The following TAPBPL variants were observed in gnomAD, a reference collection of about 807,000 sequenced individuals.
TAPBPL encodes the protein tapasin-related protein.
A neutral mutation model predicts 44.8 loss-of-function variants in TAPBPL; 32 were observed. The observed-to-expected ratio is 0.71, with a 90% CI of 0.54 to 0.96. The LOEUF is 0.96. Among genes scored for constraint, TAPBPL ranks in the 40% least tolerant of loss-of-function variants. The pLI, the probability that TAPBPL is intolerant of heterozygous loss-of-function variation, is 0.00. For missense variants in TAPBPL, 520 were observed against 586.6 expected (o/e 0.89, Z 1.17); for synonymous variants, 230 against 240.7 (o/e 0.96, Z 0.41).
Position 6,462,186 on chromosome 12 carries a change from C to T in TAPBPL, c.*37C>T. 1 of 1,534,228 alleles carries T rather than the reference C, an allele frequency of 6.5e-7. No homozygotes were observed. The highest frequency in any genetic ancestry group is 8.9e-7 in the Non-Finnish European group (1 of 1,126,202). ...ATGAGACTACTAGAAAGAAACGACA[C>T]CCTTCCCCAAGCCCCCACAGCTACT... On this transcript the variant is annotated 3_prime_UTR_variant, in exon 7 of 7. Coordinates refer to ENST00000266556, the MANE Select transcript of TAPBPL (RefSeq NM_018009.5).
At chr12:6,464,256 T>C (rs1373468217), downstream of TAPBPL, 1 of 1,526,696 alleles carries the variant, frequency 6.6e-7, no homozygotes, top group Non-Finnish European at 8.8e-7. Flanking sequence ...CAGCTGTTGC[T>C]CTTCGGGTAA....
chr12:6,470,768 C>A, downstream of TAPBPL: 1 of 586,842 alleles, frequency 1.7e-6, no homozygotes, highest in Non-Finnish European at 3.1e-6. Context: ...ATGCCCAGGA[C>A]GGTCGCCCAG....
At chr12:6,466,531 A>G, downstream of TAPBPL, 1 of 567,498 alleles carries the variant, frequency 1.8e-6, no homozygotes, top group Non-Finnish European at 3.0e-6. Context: ...AAAACAGACA[A>G]AAAGAAAGGA....
chr12:6,461,216 C>A, intron 6 of TAPBPL: 1 of 1,268,550 alleles, frequency 7.9e-7, no homozygotes, highest in Non-Finnish European at 1.0e-6. Context: ...AGTCACAGAG[C>A]TAAAAATACA....
At chr12:6,462,920 G>C (rs551122030), downstream of TAPBPL, 12 of 1,565,818 alleles carry the variant, frequency 7.7e-6, no homozygotes, top group East Asian at 9.5e-5. Context: ...AAATGCTGCT[G>C]CATGGAAAGT....
intron 3 of TAPBPL, among the ~76,000 whole-genome samples, chr12:6,454,821 TG>T (rs1206520329): frequency 6.6e-6 from 1 of 152,124 alleles, no homozygotes; most frequent in African/African-American, 2.4e-5. Context: ...ATTGAGAACA[TG>T]ATGACAGGGT....
chr12:6,460,672 C>T (rs1949831468), intron 5 of TAPBPL, among the ~76,000 whole-genome samples, 183 bp from the exon 6 acceptor site: 1 of 152,214 alleles, frequency 6.6e-6, no homozygotes, highest in South Asian at 2.1e-4. Context: ...TGGAGTAACT[C>T]ACAAGTATCC....
At position 6,462,166 on chromosome 12, in the gene TAPBPL, A is replaced by G; in HGVS notation, c.*17A>G. On this transcript the variant is annotated 3_prime_UTR_variant, in exon 7 of 7. Transcript: ENST00000266556. ...CCCAGCTGACCTAAAGCGACATGAG[A>G]CTACTAGAAAGAAACGACACCCTTC... The G allele has an allele frequency of 6.3e-7, 1 of 1,589,096 alleles. No homozygotes were observed. The highest frequency in any genetic ancestry group is 8.6e-7 in the Non-Finnish European group (1 of 1,164,172).
At chr12:6,456,799 C>T (rs1404221556) in intron 3 of TAPBPL, among the ~76,000 whole-genome samples, 1 of 151,966 alleles carries the variant, frequency 6.6e-6, no homozygotes, top group Admixed American at 6.6e-5. Context: ...ATTACAGGCA[C>T]CTGCCACCAT....
intron 5 of TAPBPL, 27 bp from the exon 6 acceptor site, chr12:6,460,827 TC>T (rs1203536541): frequency 5.6e-6 from 9 of 1,612,212 alleles, no homozygotes; most frequent in Non-Finnish European, 7.6e-6. Flanking sequence ...CGCACGATGA[TC>T]CCCGCCCACG....
In TAPBPL at chr12:6,458,911, G is replaced by A; in HGVS notation, c.1171G>A (p.Glu391Lys). ...CCAGGTCACACACATCTCTCTGGAG[G>A]AGCCCCTTGGGGCCAGCACCCAGGT... ...TCQVTHISLE[E>K]PLGASTQVVP... is the part of the protein sequence containing the mutation. Residue 391 changes from glutamate to lysine, a missense_variant, in exon 5 of 7, where the codon GAG becomes AAG. Glu to Lys is a moderately conservative substitution (Grantham distance 56). Coordinates refer to ENST00000266556, the MANE Select transcript of TAPBPL (RefSeq NM_018009.5). The A allele has an allele frequency of 1.9e-6, 3 of 1,614,096 alleles. No individual in the cohort carries two copies. The highest frequency in any genetic ancestry group is 2.5e-6 in the Non-Finnish European group (3 of 1,180,002).
chr12:6,470,688 C>T (rs987559971), downstream of TAPBPL: 9 of 884,478 alleles, frequency 1.0e-5, no homozygotes, highest in African/African-American at 1.7e-5. Context: ...GCAGCTGCCG[C>T]GCCGGCCTCC....
In TAPBPL at chr12:6,452,101, G is replaced by C; in HGVS notation, c.-148G>C. 1.1e-6 allele frequency: 1 copy of C among 931,180 alleles called. No individual in the cohort carries two copies. The highest frequency in any genetic ancestry group is 1.7e-6 in the Non-Finnish European group (1 of 604,570). The allele number at this position is 931,180 out of a possible 1,614,324, so 57.7% of individuals were successfully genotyped here. On this transcript the variant is annotated 5_prime_UTR_variant, in exon 1 of 7. Transcript: ENST00000266556. ...TGCTCTAAGTGAAAGTGAAAGAAAA[G>C]TCGGCAGCAGAGGGAACAGGGAAGA... is the stretch of plus-strand genomic sequence containing the variant.
In TAPBPL at chr12:6,458,801, G is replaced by A. The variant is rs1364904958; in HGVS notation, c.1061G>A (p.Ser354Asn). Residue 354 changes from serine to asparagine, a missense_variant, in exon 5 of 7, where the codon AGC (serine) becomes AAC (asparagine). Ser to Asn is a conservative substitution (Grantham distance 46). Coordinates refer to ENST00000266556, the MANE Select transcript of TAPBPL (RefSeq NM_018009.5). ...PAQVSGASFSSLRQSVAGTYS... is the reference protein window; with the variant it reads ...PAQVSGASFSNLRQSVAGTYS... ...CAAGTCTCTGGTGCCTCCTTCTCCA[G>A]CCTCAGGCAAAGCGTGGCAGGCACC... The A allele has an allele frequency of 4.3e-6, 7 of 1,614,018 alleles. No homozygotes were observed. The highest frequency in any genetic ancestry group is 5.9e-6 in the Non-Finnish European group (7 of 1,180,046).
chr12:6,461,302 G>T, intron 6 of TAPBPL: 5 of 1,099,720 alleles, frequency 4.5e-6, no homozygotes, highest in Non-Finnish European at 5.6e-6. Flanking sequence ...GTGCACCCTG[G>T]GCTCATGCAC....
At chr12:6,460,347 ACT>A (rs1183200630) in intron 5 of TAPBPL, among the ~76,000 whole-genome samples, 2 of 151,416 alleles carry the variant, frequency 1.3e-5, no homozygotes, top group Non-Finnish European at 2.9e-5. Context: ...CTCACTGCAA[ACT>A]CTGCCTCCCA....
chr12:6,464,718 G>A, downstream of TAPBPL: 2 of 1,510,738 alleles, frequency 1.3e-6, no homozygotes, highest in Non-Finnish European at 8.8e-7. Flanking sequence ...GTCCATCAAA[G>A]AAATCCCTTG....
At chr12:6,464,712 A>G (rs1949959803), downstream of TAPBPL, 2 of 1,509,340 alleles carry the variant, frequency 1.3e-6, no homozygotes, top group Non-Finnish European at 1.8e-6. Context: ...AGGCTTGTCC[A>G]TCAAAGAAAT....
Position 6,460,864 on chromosome 12 carries a change from C to T in TAPBPL, c.1217C>T (p.Thr406Ile), listed in dbSNP as rs774004032. The change falls in exon 6 of 7, where the codon ACA becomes ATA. Residue 406 changes from threonine to isoleucine, a missense_variant. Physicochemically the swap from Thr to Ile is moderately conservative, Grantham distance 89. Transcript: ENST00000266556. ...TTGCTCTCACCTACAGAGCGGAGAA[C>T]AGCCTTGGGAGTCATCTTTGCCAGC... is the stretch of plus-strand genomic sequence containing the variant. ...STQVVPPERRTALGVIFASSL... is the reference protein window; with the variant it reads ...STQVVPPERRIALGVIFASSL... 2 of 1,614,130 alleles carry T rather than the reference C, an allele frequency of 1.2e-6. No homozygotes were observed. The highest frequency in any genetic ancestry group is 3.3e-5 in the Admixed American group (2 of 60,024).
Sources: gnomAD v4.1 joint callset for allele counts (sites outside exome capture counted in the v4.1 genomes callset) on GRCh38, gnomAD v4.1.1 for gene constraint, MANE v1.5 for transcripts, NCBI Gene and HGNC (gene_info 2026-07-23, HGNC 2026-07-21) for gene names.